MARCHF1: variants seen among roughly 807,000 people sequenced by gnomAD.
MARCHF1 encodes the protein membrane associated ring-CH-type finger 1, also known as E3 ubiquitin-protein ligase MARCHF1.
MARCHF1 carries 40 observed loss-of-function variants against 54.2 expected under a neutral mutation model. That is an observed-to-expected ratio of 0.74 (90% CI 0.57 to 0.96). The LOEUF (loss-of-function observed/expected upper bound fraction) is 0.96. Among genes scored for constraint, MARCHF1 ranks in the 40% least tolerant of loss-of-function variants. The pLI is 0.00. For missense variants in MARCHF1, 586 were observed against 656.5 expected, an observed-to-expected ratio of 0.89 and a Z score of 1.17; for synonymous variants, 236 against 236.3, an observed-to-expected ratio of 1.00 and a Z score of 0.01.
At chr4:164,368,193 G>A (rs1730933966) in intron 1 of MARCHF1, among the ~76,000 whole-genome samples, 1 of 105,142 alleles carries the variant, frequency 9.5e-6, no homozygotes. Flanking sequence ...CCAAATCCTA[G>A]GTGAAAAAAA....
In MARCHF1 at chr4:163,561,021, T is replaced by C. The variant is rs541202728; in HGVS notation, c.1192-15278A>G. Among the ~76,000 whole-genome samples, 7 of 152,280 alleles carry C rather than the reference T, an allele frequency of 4.6e-5. No individual in the cohort carries two copies. In the South Asian group the frequency reaches 1.4e-3, roughly 32 times the overall value. Reference sequence around the variant, plus strand: ...AGATGCTTTTATTTGTTTTTCTTGCTTTATTGCACTGGCTAGAACCTTCAA... The same window carrying C: ...AGATGCTTTTATTTGTTTTTCTTGCCTTATTGCACTGGCTAGAACCTTCAA... On this transcript the variant is annotated intron_variant, in intron 8 of 9. Coordinates refer to ENST00000514618, the MANE Select transcript of MARCHF1 (RefSeq NM_001394959.1).
intron 1 of MARCHF1, among the ~76,000 whole-genome samples, chr4:164,324,744 T>C (rs1247891223): frequency 6.6e-6 from 1 of 151,342 alleles, no homozygotes; most frequent in African/African-American, 2.4e-5. Flanking sequence ...ATAAAATCTT[T>C]AGAAATAAAT....
intron 3 of MARCHF1, among the ~76,000 whole-genome samples, chr4:163,858,972 A>G (rs1377376906): frequency 6.6e-6 from 1 of 152,104 alleles, no homozygotes; most frequent in East Asian, 1.9e-4. Context: ...TGCAAGTAGG[A>G]TGTTAGGTGT....
chr4:164,055,563 G>A lies in MARCHF1; in HGVS notation c.-248+56025C>T, dbSNP rs148159274. Among the ~76,000 whole-genome samples the A allele has an allele frequency of 1.4e-3, 220 of 152,092 alleles. 2 individuals carry two copies. The highest frequency in any genetic ancestry group is 5.1e-3 in the African/African-American group (213 of 41,492). On this transcript the variant is annotated intron_variant, in intron 2 of 9. Coordinates refer to ENST00000514618, the MANE Select transcript of MARCHF1 (RefSeq NM_001394959.1). ...ACTAGATGCTAAATAGTTATTATATGGATAAAGTAAAAAGAATAGCCATCA... is the reference window on the plus strand; with the variant it reads ...ACTAGATGCTAAATAGTTATTATATAGATAAAGTAAAAAGAATAGCCATCA...
At chr4:163,772,684 T>C (rs1161021421) in intron 4 of MARCHF1, among the ~76,000 whole-genome samples, 1 of 152,154 alleles carries the variant, frequency 6.6e-6, no homozygotes, top group Non-Finnish European at 1.5e-5. Flanking sequence ...GATCTTAGTC[T>C]TTCCCATCTG....
chr4:164,018,745 C>T (rs1482304040), intron 2 of MARCHF1, among the ~76,000 whole-genome samples: 3 of 152,054 alleles, frequency 2.0e-5, no homozygotes, highest in Non-Finnish European at 4.4e-5. Flanking sequence ...AAACTTTCTG[C>T]CTTTTATTGC....
intron 4 of MARCHF1, among the ~76,000 whole-genome samples, chr4:163,781,860 G>A (rs943833543): frequency 6.6e-5 from 10 of 152,156 alleles, no homozygotes; most frequent in African/African-American, 2.4e-4. Context: ...TGGGTTGAAC[G>A]TAAGTCAGAG....
chr4:163,634,275 T>G (rs571482565), intron 5 of MARCHF1, among the ~76,000 whole-genome samples: 3 of 150,892 alleles, frequency 2.0e-5, no homozygotes, highest in Non-Finnish European at 4.4e-5. Flanking sequence ...ATGGACTAAA[T>G]GCTCCAATTA....
At chr4:163,553,266 T>C (rs376262815) in intron 8 of MARCHF1, among the ~76,000 whole-genome samples, 34 of 152,326 alleles carry the variant, frequency 2.2e-4, no homozygotes, top group African/African-American at 7.9e-4. Flanking sequence ...ATGTTAGCAG[T>C]TATCACAACT....
At position 163,894,133 on chromosome 4, in the gene MARCHF1, G is replaced by A. The variant is rs78823664; in HGVS notation, c.-38-39964C>T. Among the ~76,000 whole-genome samples, 487 of 152,244 alleles carry A rather than the reference G, an allele frequency of 3.2e-3. 6 individuals are homozygous for A. The highest frequency in any genetic ancestry group is 0.011 in the African/African-American group (454 of 41,530). On this transcript the variant is annotated intron_variant, in intron 3 of 9. Coordinates refer to ENST00000514618, the MANE Select transcript of MARCHF1 (RefSeq NM_001394959.1). ...AGGCCATTGAAGCCTTAGGGACAGA[G>A]TAATATTATTTCGTATTAGGGACAG... is the stretch of plus-strand genomic sequence containing the variant.
intron 3 of MARCHF1, among the ~76,000 whole-genome samples, chr4:163,924,512 G>T (rs561006761): frequency 5.3e-5 from 8 of 152,138 alleles, no homozygotes; most frequent in African/African-American, 1.7e-4. Context: ...TATGTCAGTG[G>T]TTGAGCTGCA....
At chr4:164,198,652 A>G (rs1201483788) in intron 1 of MARCHF1, among the ~76,000 whole-genome samples, 1 of 152,248 alleles carries the variant, frequency 6.6e-6, no homozygotes, top group Non-Finnish European at 1.5e-5. Context: ...TTGAGAAGTT[A>G]GCAGCACAGG....
intron 4 of MARCHF1, among the ~76,000 whole-genome samples, chr4:163,713,726 C>G (rs965127275): frequency 1.3e-5 from 2 of 152,066 alleles, no homozygotes; most frequent in African/African-American, 4.8e-5. Context: ...AAAACCACTC[C>G]CTTTAGATCT....
intron 1 of MARCHF1, among the ~76,000 whole-genome samples, chr4:164,305,168 C>G (rs1734664627): frequency 6.6e-6 from 1 of 151,950 alleles, no homozygotes; most frequent in Non-Finnish European, 1.5e-5. Flanking sequence ...AAAGTGACCC[C>G]CAAAATGGCA....
intron 4 of MARCHF1, among the ~76,000 whole-genome samples, chr4:163,779,631 GA>G (rs1747405978): frequency 6.6e-6 from 1 of 150,918 alleles, no homozygotes; most frequent in Admixed American, 6.6e-5. Flanking sequence ...CAACAGTCCA[GA>G]AAAAAAAAGT....
chr4:163,980,035 C>A (rs1264961360), intron 3 of MARCHF1, among the ~76,000 whole-genome samples: 1 of 151,020 alleles, frequency 6.6e-6, no homozygotes, highest in Non-Finnish European at 1.5e-5. Context: ...TCATATGGAA[C>A]CAAAAAAGAG....
intron 1 of MARCHF1, among the ~76,000 whole-genome samples, chr4:164,257,705 C>T (rs1422593094): frequency 4.6e-5 from 7 of 151,918 alleles, no homozygotes; most frequent in South Asian, 2.1e-4. Context: ...TGGCAGCTCA[C>T]GCCTGTAATC....
At chr4:163,857,019 T>A (rs1299203667) in intron 3 of MARCHF1, among the ~76,000 whole-genome samples, 2 of 121,814 alleles carry the variant, frequency 1.6e-5, no homozygotes, top group Non-Finnish European at 3.5e-5. Context: ...TCTCGAAAAA[T>A]AAATAAATAA....
intron 1 of MARCHF1, among the ~76,000 whole-genome samples, chr4:164,141,243 A>G (rs1560923254): frequency 6.6e-6 from 1 of 152,174 alleles, no homozygotes; most frequent in Non-Finnish European, 1.5e-5. Context: ...GGGCTTCTAG[A>G]ACTTTTCCTG....
Sources: gnomAD v4.1 joint callset for allele counts (sites outside exome capture counted in the v4.1 genomes callset) on GRCh38, gnomAD v4.1.1 for gene constraint, MANE v1.5 for transcripts, NCBI Gene and HGNC (gene_info 2026-07-23, HGNC 2026-07-21) for gene names.